Variants in KIRREL3 observed in about 807,000 individuals in gnomAD.
KIRREL3 encodes kin of IRRE-like protein 3.
KIRREL3 carries 36 observed loss-of-function variants against 89.7 expected under a neutral mutation model. That is an observed-to-expected ratio of 0.40 (90% CI 0.31 to 0.53). KIRREL3 has a LOEUF of 0.53. Ranked by LOEUF, KIRREL3 falls within the 20% of genes least tolerant of loss-of-function variation. KIRREL3 has a pLI of 0.49. For missense variants in KIRREL3, 864 were observed against 1,056.6 expected (o/e 0.82, Z 2.53); for synonymous variants, 445 against 441.4 (o/e 1.01, Z -0.10).
intron 4 of KIRREL3, among the ~76,000 whole-genome samples, chr11:126,479,990 C>A (rs960140148): frequency 2.6e-5 from 4 of 152,160 alleles, no homozygotes; most frequent in Non-Finnish European, 5.9e-5. Flanking sequence ...GCATCCTGGG[C>A]ATCCCCTGAC....
intron 4 of KIRREL3, among the ~76,000 whole-genome samples, chr11:126,493,230 A>T (rs1046318818): frequency 5.9e-5 from 9 of 152,182 alleles, no homozygotes; most frequent in Non-Finnish European, 1.3e-4. Flanking sequence ...TGCAATGAGA[A>T]TTGGAGCTGG....
intron 1 of KIRREL3, among the ~76,000 whole-genome samples, chr11:126,630,845 G>A (rs923668445): frequency 2.6e-5 from 4 of 152,144 alleles, no homozygotes; most frequent in Admixed American, 2.6e-4. Context: ...CAACTCCACA[G>A]GGTGAGCCCG....
intron 1 of KIRREL3, chr11:126,936,223 AT>A (rs1948178959): frequency 6.6e-6 from 1 of 152,254 alleles, no homozygotes; most frequent in African/African-American, 2.4e-5. Context: ...AATGGCTATA[AT>A]AAAAAAGACA....
At position 126,761,948 on chromosome 11, in the gene KIRREL3, G is replaced by A. The variant is rs1946078; in HGVS notation, c.56-199036C>T. ...AATCCCAACACTTTGGGAGGCCGAG[G>A]GGGGCAGATCACCTGAGGTCAGGAG... On this transcript the variant is annotated intron_variant, in intron 1 of 16. Transcript: ENST00000525144. The surrounding 1 kb of genome is among the most constrained non-coding windows in gnomAD (Gnocchi z 4.4). Among the ~76,000 whole-genome samples the A allele has an allele frequency of 0.23, 34,954 of 152,016 alleles. 4,644 individuals are homozygous for A. Among genetic ancestry groups the A allele is most frequent in the African/African-American group, 0.35 (14,359 of 41,422 alleles).
intron 1 of KIRREL3, among the ~76,000 whole-genome samples, chr11:126,580,836 G>GTTTTTTTTTTTTTTTTT (rs58691243): frequency 7.1e-6 from 1 of 140,812 alleles, no homozygotes; most frequent in Non-Finnish European, 1.5e-5. Context: ...GGAATTTCCT[G>GTTTTTTTTTTTTTTTTT]TTTTTTTTTT....
chr11:126,450,261 CTGTG>C (rs780142889), intron 7 of KIRREL3, among the ~76,000 whole-genome samples: 3 of 146,450 alleles, frequency 2.0e-5, no homozygotes, highest in African/African-American at 7.6e-5. Flanking sequence ...GTGAGTGTGC[CTGTG>C]TGTGCATGTG....
chr11:126,446,285 C>CTCTCTTTCTTTTCTTTCTCCTTT (rs111774154), intron 9 of KIRREL3, among the ~76,000 whole-genome samples: 4 of 143,282 alleles, frequency 2.8e-5, no homozygotes, highest in African/African-American at 1.0e-4. Flanking sequence ...TTTTCTTTCT[C>CTCTCTTTCTTTTCTTTCTCCTTT]CTTTCTTTCT....
rs1232183388 is a variant in KIRREL3 at position 126,797,602 on chromosome 11, G to A, written c.55+202853C>T. Among the ~76,000 whole-genome samples the A allele has an allele frequency of 1.3e-5, 2 of 152,164 alleles. No homozygotes were observed. The highest frequency in any genetic ancestry group is 2.4e-5 in the African/African-American group (1 of 41,452). On this transcript the variant is annotated intron_variant, in intron 1 of 16. Coordinates refer to ENST00000525144, the MANE Select transcript of KIRREL3 (RefSeq NM_032531.4). The surrounding 1 kb of genome is among the most constrained non-coding windows in gnomAD (Gnocchi z 4.9). Reference sequence around the variant, plus strand: ...TTAGTCCCAATCTACTCCACAGCCTGTGACAGCTGGGGCTGTGTGATGGGG... The same window carrying A: ...TTAGTCCCAATCTACTCCACAGCCTATGACAGCTGGGGCTGTGTGATGGGG...
chr11:126,840,954 C>T (rs1943945321), intron 1 of KIRREL3, among the ~76,000 whole-genome samples: 1 of 152,218 alleles, frequency 6.6e-6, no homozygotes, highest in South Asian at 2.1e-4. Context: ...AAAAATTATA[C>T]ACTCAGGTTG....
rs139638786 is a variant in KIRREL3 at position 126,767,088 on chromosome 11, C to G, written c.56-204176G>C. ...AGAGATATGCCTGGCCCAGAGGGCCCCAGAGCTCCTTCTGAGTGTGAAAGC... is the reference window on the plus strand; with the variant it reads ...AGAGATATGCCTGGCCCAGAGGGCCGCAGAGCTCCTTCTGAGTGTGAAAGC... On this transcript the variant is annotated intron_variant, in intron 1 of 16. Transcript: ENST00000525144. 1.2e-3 allele frequency among the ~76,000 whole-genome samples: 186 copies of G among 152,294 alleles called. 2 individuals are homozygous for G. The East Asian group carries it at 0.024, about 19-fold the overall frequency.
intron 4 of KIRREL3, among the ~76,000 whole-genome samples, chr11:126,478,515 GTA>G (rs906324225): frequency 8.6e-5 from 13 of 150,942 alleles, no homozygotes; most frequent in African/African-American, 3.2e-4. Flanking sequence ...TTGTGTGTGT[GTA>G]TGTGTGTGTG....
rs1407462975 is a variant in KIRREL3 at position 126,676,860 on chromosome 11, C to A, written c.56-113948G>T. Among the ~76,000 whole-genome samples, 1 of 152,016 alleles carries A rather than the reference C, an allele frequency of 6.6e-6. No homozygotes were observed. Among genetic ancestry groups the A allele is most frequent in the South Asian group, 2.1e-4 (1 of 4,808 alleles). ...TATACAGTGGCTCAACCACAGGTCA[C>A]CGCAGCCTCGATCTCCCAGGCTCAA... On this transcript the variant is annotated intron_variant, in intron 1 of 16. Coordinates refer to ENST00000525144, the MANE Select transcript of KIRREL3 (RefSeq NM_032531.4). This position sits in a 1 kb window ranked among gnomAD's most constrained non-coding sequence, Gnocchi z 4.5.
chr11:126,569,940 T>G lies in KIRREL3; in HGVS notation c.56-7028A>C, dbSNP rs1940798759. On this transcript the variant is annotated intron_variant, in intron 1 of 16. Transcript: ENST00000525144. This position sits in a 1 kb window ranked among gnomAD's most constrained non-coding sequence, Gnocchi z 6.5. ...ACTTTGATTCTGCTAAACTGCTTTC[T>G]GCATCGGTTCTGCCTACTCCTATTT... Among the ~76,000 whole-genome samples, 1 of 152,172 alleles carries G rather than the reference T, an allele frequency of 6.6e-6. No individual in the cohort carries two copies. Among genetic ancestry groups the G allele is most frequent in the African/African-American group, 2.4e-5 (1 of 41,448 alleles).
At chr11:126,800,792 T>C (rs1009974836) in intron 1 of KIRREL3, among the ~76,000 whole-genome samples, 4 of 152,132 alleles carry the variant, frequency 2.6e-5, no homozygotes, top group Non-Finnish European at 5.9e-5. Context: ...ATTCAACCCC[T>C]GGACAATGAG....
Position 126,860,156 on chromosome 11 carries a change from T to TC in KIRREL3, c.55+140298dup, listed in dbSNP as rs1944659006. Among the ~76,000 whole-genome samples, 1 of 152,160 alleles carries TC rather than the reference T, an allele frequency of 6.6e-6. No individual in the cohort carries two copies. The highest frequency in any genetic ancestry group is 1.9e-4 in the East Asian group (1 of 5,190). On this transcript the variant is annotated intron_variant, in intron 1 of 16. Coordinates refer to ENST00000525144, the MANE Select transcript of KIRREL3 (RefSeq NM_032531.4). This position sits in a 1 kb window ranked among gnomAD's most constrained non-coding sequence, Gnocchi z 4.6. ...AGGGAGGATGATATTGGAATTAATT[T>TC]CAATACAACAAACAGGTAACGAGCA...
rs1043199113 is a variant in KIRREL3, at chr11:126,645,038, A to G, written c.56-82126T>C. Among the ~76,000 whole-genome samples, 1 of 152,084 alleles carries G rather than the reference A, an allele frequency of 6.6e-6. No homozygotes were observed. Among genetic ancestry groups the G allele is most frequent in the African/African-American group, 2.4e-5 (1 of 41,430 alleles). On this transcript the variant is annotated intron_variant, in intron 1 of 16. Coordinates refer to ENST00000525144, the MANE Select transcript of KIRREL3 (RefSeq NM_032531.4). This position sits in a 1 kb window ranked among gnomAD's most constrained non-coding sequence, Gnocchi z 4.9. Reference sequence around the variant, plus strand: ...ACCTTGAGGGAGGGGTTGGGGTTGAAGTGGGAGGAGCATTTCAGTCAATGG... The same window carrying G: ...ACCTTGAGGGAGGGGTTGGGGTTGAGGTGGGAGGAGCATTTCAGTCAATGG...
rs531993318 is a variant in KIRREL3, at chr11:126,575,560, A to G, written c.56-12648T>C. On this transcript the variant is annotated intron_variant, in intron 1 of 16. Transcript: ENST00000525144. The surrounding 1 kb of genome is among the most constrained non-coding windows in gnomAD (Gnocchi z 7.0). ...TGGTACTTACTTATAAATATAATAT[A>G]TTATTAGAAAGTACAGGGGTATGCT... Among the ~76,000 whole-genome samples the G allele has an allele frequency of 1.4e-3, 209 of 152,326 alleles. 5 individuals carry two copies. In the South Asian group the frequency reaches 0.042, roughly 31 times the overall value.
rs1395964143 is a variant in KIRREL3 at position 126,906,049 on chromosome 11, C to T, written c.55+94406G>A. Reference sequence around the variant, plus strand: ...TGCTTTGTAGAACAAAATGCCAGGCCGACTTCAAGGCCGGGAGGTGTGCAG... The same window carrying T: ...TGCTTTGTAGAACAAAATGCCAGGCTGACTTCAAGGCCGGGAGGTGTGCAG... On this transcript the variant is annotated intron_variant, in intron 1 of 16. Transcript: ENST00000525144. The surrounding 1 kb of genome is among the most constrained non-coding windows in gnomAD (Gnocchi z 4.1). 6.6e-6 allele frequency among the ~76,000 whole-genome samples: 1 copy of T among 152,166 alleles called. No homozygotes were observed. The highest frequency in any genetic ancestry group is 2.4e-5 in the African/African-American group (1 of 41,440).
rs2134781385 is a variant in KIRREL3 at position 126,608,738 on chromosome 11, G to C, written c.56-45826C>G. The stretch of plus-strand genomic sequence containing the variant: ...CTGGAGGCAGGCAGGGGGCTGTCCA[G>C]AGGCAGAGCATTGGGCCTGCTGGCA... On this transcript the variant is annotated intron_variant, in intron 1 of 16. Coordinates refer to ENST00000525144, the MANE Select transcript of KIRREL3 (RefSeq NM_032531.4). The surrounding 1 kb of genome is among the most constrained non-coding windows in gnomAD (Gnocchi z 4.9). Among the ~76,000 whole-genome samples the C allele has an allele frequency of 6.6e-6, 1 of 152,356 alleles. No homozygotes were observed. Among genetic ancestry groups the C allele is most frequent in the Non-Finnish European group, 1.5e-5 (1 of 68,036 alleles).
Sources: gnomAD v4.1 joint callset for allele counts (sites outside exome capture counted in the v4.1 genomes callset) on GRCh38, gnomAD v4.1.1 for gene constraint, Gnocchi (gnomAD v3.1) non-coding constraint, MANE v1.5 for transcripts, NCBI Gene and HGNC (gene_info 2026-07-23, HGNC 2026-07-21) for gene names.